Variants in ZNF701 observed in about 807,000 individuals in gnomAD.
ZNF701 encodes zinc finger protein 701.
Under a neutral mutation model 7.1 loss-of-function variants are expected in ZNF701, and 6 were observed. That is an observed-to-expected ratio of 0.84 (90% CI 0.46 to 1.66). The LOEUF (loss-of-function observed/expected upper bound fraction) is 1.66, where lower values mean the gene tolerates loss of function less well. Ranked by LOEUF, ZNF701 falls within the 40% of genes most tolerant of loss-of-function variation. The pLI is 0.01. For missense variants in ZNF701, 541 were observed against 559.2 expected (o/e 0.97, Z 0.33); for synonymous variants, 166 against 188.2 (o/e 0.88, Z 0.97).
chr19:52,578,829 C>T (rs2059955259), intron 3 of ZNF701, among the ~76,000 whole-genome samples: 1 of 152,132 alleles, frequency 6.6e-6, no homozygotes, highest in African/African-American at 2.4e-5. Context: ...GCGATCTCGG[C>T]TCACTGCAAG....
intron 3 of ZNF701, among the ~76,000 whole-genome samples, chr19:52,580,897 G>A (rs1315515348): frequency 8.3e-6 from 1 of 120,676 alleles, no homozygotes; most frequent in Non-Finnish European, 2.0e-5. Flanking sequence ...GCTGAGACAT[G>A]TGGATCACCT....
the ZNF701 span, chr19:52,597,006 A>T: frequency 1.7e-6 from 2 of 1,168,370 alleles, no homozygotes; most frequent in Non-Finnish European, 2.5e-6. Context: ...GAAACTTTGC[A>T]AATGTAATGA....
intron 1 of ZNF701, among the ~76,000 whole-genome samples, chr19:52,571,113 AGAT>A (rs1484996066): frequency 1.3e-5 from 2 of 149,172 alleles, no homozygotes; most frequent in African/African-American, 2.4e-5. Context: ...GAAAAAAAAA[AGAT>A]AAGAAAGCAG....
At chr19:52,589,104 A>G (rs569632124), downstream of ZNF701, among the ~76,000 whole-genome samples, 34 of 152,268 alleles carry the variant, frequency 2.2e-4, no homozygotes, top group South Asian at 2.1e-3. Context: ...TGGATTTGCT[A>G]TTTCCTCTTT....
the ZNF701 span, among the ~76,000 whole-genome samples, chr19:52,598,262 AC>A: frequency 6.6e-6 from 1 of 152,202 alleles, no homozygotes; most frequent in African/African-American, 2.4e-5. Context: ...AATATTTCAA[AC>A]AATCGAAGGT....
chr19:52,570,719 C>T (rs1167901285), intron 1 of ZNF701: 1 of 152,274 alleles, frequency 6.6e-6, no homozygotes, highest in African/African-American at 2.4e-5. Context: ...CTCAGGGAGG[C>T]CGAGTTCTCT....
downstream of ZNF701, among the ~76,000 whole-genome samples, chr19:52,590,008 G>A (rs1009514454): frequency 6.6e-6 from 1 of 151,972 alleles, no homozygotes; most frequent in African/African-American, 2.4e-5. Context: ...TGGTCAGGCT[G>A]GTCTCGATCT....
At chr19:52,589,702 G>C (rs1424757401), downstream of ZNF701, among the ~76,000 whole-genome samples, 1 of 151,942 alleles carries the variant, frequency 6.6e-6, no homozygotes, top group African/African-American at 2.4e-5. Flanking sequence ...ATTTCTTTTG[G>C]CTTCTGAAAT....
At chr19:52,573,931 C>G in intron 1 of ZNF701, 146 bp from the exon 2 acceptor site, 2 of 896,506 alleles carry the variant, frequency 2.2e-6, no homozygotes, top group Non-Finnish European at 3.3e-6. Context: ...CGAGAGTTTT[C>G]TTATAGAAAT....
the ZNF701 span, among the ~76,000 whole-genome samples, chr19:52,594,970 G>C: frequency 1.1e-4 from 17 of 151,710 alleles, no homozygotes; most frequent in African/African-American, 3.9e-4. Context: ...TCATATATAG[G>C]AGGCTCTTGA....
rs192445050 is a variant in ZNF701 at position 52,578,513 on chromosome 19, C to T, written c.142+2492C>T. Among the ~76,000 whole-genome samples the T allele has an allele frequency of 1.4e-4, 22 of 152,278 alleles. No individual in the cohort carries two copies. In the East Asian group the frequency reaches 4.3e-3, roughly 29 times the overall value. ...CTTGATGGTAGTGGTCCCCCAGGCC[C>T]AGCTGCTTTCTCTTTATCTCTTTGT... On this transcript the variant is annotated intron_variant, in intron 3 of 3. Coordinates refer to ENST00000391785, the MANE Select transcript of ZNF701 (RefSeq NM_018260.3).
chr19:52,595,480 G>C, the ZNF701 span: 163,622 of 350,716 alleles, frequency 0.47, 38,923 homozygotes, highest in Middle Eastern at 0.55. Flanking sequence ...CCATGTTAGC[G>C]AGGATGGTCT....
In ZNF701 at chr19:52,582,685, A is replaced by G; in HGVS notation, c.626A>G (p.His209Arg). ...SSLLTQKREV[H>R]TREKSFQRNE... ...TTACTCACACAAAAACGGGAAGTAC[A>G]CACAAGAGAAAAATCTTTCCAACGT... is the stretch of plus-strand genomic sequence containing the variant. Residue 209 changes from histidine to arginine, a missense_variant, in exon 4 of 4, where the codon CAC becomes CGC. Coordinates refer to ENST00000391785, the MANE Select transcript of ZNF701 (RefSeq NM_018260.3). 1.2e-6 allele frequency: 2 copies of G among 1,614,198 alleles called. No individual in the cohort carries two copies. The highest frequency in any genetic ancestry group is 1.3e-5 in the African/African-American group (1 of 75,066).
chr19:52,596,288 T>G, the ZNF701 span: 1 of 426,678 alleles, frequency 2.3e-6, no homozygotes, highest in Non-Finnish European at 4.6e-6. Context: ...ACCTTACAAG[T>G]GTAATGAGTG....
chr19:52,597,054 A>C, the ZNF701 span: 8 of 1,268,870 alleles, frequency 6.3e-6, no homozygotes, highest in African/African-American at 7.4e-5. Flanking sequence ...AACCATTGCA[A>C]ATCACTGGAG....
At chr19:52,572,255 A>C in intron 1 of ZNF701, 1 of 454,372 alleles carries the variant, frequency 2.2e-6, no homozygotes, top group South Asian at 1.7e-5. Flanking sequence ...GGGTTTCTCC[A>C]TGTTGGTCAG....
downstream of ZNF701, among the ~76,000 whole-genome samples, chr19:52,590,106 T>TG (rs972303263): frequency 8.9e-6 from 1 of 112,354 alleles, no homozygotes; most frequent in Non-Finnish European, 1.9e-5. Flanking sequence ...TTTTTTTTAT[T>TG]GTTTTTTTTT....
chr19:52,596,067 C>A, the ZNF701 span: 2 of 1,263,808 alleles, frequency 1.6e-6, no homozygotes, highest in Non-Finnish European at 2.3e-6. Flanking sequence ...TTCCTCTATT[C>A]TTCATTATTC....
chr19:52,570,711 C>T (rs1283149419), intron 1 of ZNF701: 1 of 152,258 alleles, frequency 6.6e-6, no homozygotes, highest in African/African-American at 2.4e-5. Context: ...ATCCCAGTCT[C>T]AGGGAGGCCG....
Sources: gnomAD v4.1 joint callset for allele counts (sites outside exome capture counted in the v4.1 genomes callset) on GRCh38, gnomAD v4.1.1 for gene constraint, MANE v1.5 for transcripts, NCBI Gene and HGNC (gene_info 2026-07-23, HGNC 2026-07-21) for gene names.